The following ZFAND3 variants were observed in gnomAD, a reference collection of about 807,000 sequenced individuals.
The protein encoded by ZFAND3 is zinc finger AN1-type containing 3.
A neutral mutation model predicts 29.6 loss-of-function variants in ZFAND3; 10 were observed. That is an observed-to-expected ratio of 0.34 (90% CI 0.21 to 0.57). The LOEUF (loss-of-function observed/expected upper bound fraction) is 0.57, where lower values mean the gene tolerates loss of function less well. Ranked by LOEUF, ZFAND3 falls within the 20% of genes least tolerant of loss-of-function variation. ZFAND3 has a pLI of 0.86. For missense variants in ZFAND3, 230 were observed against 304.5 expected, an observed-to-expected ratio of 0.76 and a Z score of 1.82; for synonymous variants, 128 against 112.6, an observed-to-expected ratio of 1.14 and a Z score of -0.87.
intron 1 of ZFAND3, among the ~76,000 whole-genome samples, chr6:37,909,276 C>CTTTTTTT (rs142698620): frequency 5.0e-5 from 7 of 139,896 alleles, no homozygotes; most frequent in East Asian, 2.1e-4. Flanking sequence ...TTCTTTTTTT[C>CTTTTTTT]TTTTTTTTTT....
At chr6:37,824,195 C>CA (rs1224524544) in intron 1 of ZFAND3, among the ~76,000 whole-genome samples, 2 of 151,962 alleles carry the variant, frequency 1.3e-5, no homozygotes, top group Admixed American at 6.5e-5. Flanking sequence ...AGTACTCAGG[C>CA]AAAAAACGTA....
At chr6:37,950,007 G>A (rs537081573) in intron 2 of ZFAND3, among the ~76,000 whole-genome samples, 33 of 152,310 alleles carry the variant, frequency 2.2e-4, no homozygotes, top group African/African-American at 6.7e-4. Context: ...CATGAGACAG[G>A]AACTGTGGAT....
chr6:37,895,517 CT>C (rs70977701), intron 1 of ZFAND3, among the ~76,000 whole-genome samples: 669 of 52,676 alleles, frequency 0.013, 6 homozygotes, highest in African/African-American at 0.024. Context: ...TTTGAATTTT[CT>C]TTTTTTTTTT....
chr6:37,952,754 G>A lies in ZFAND3; in HGVS notation c.112+22755G>A, dbSNP rs962089805. On this transcript the variant is annotated intron_variant, in intron 2 of 5. Coordinates refer to ENST00000287218, the MANE Select transcript of ZFAND3 (RefSeq NM_021943.3). ...ACTCACCCCTTCCCCAGGAACGACT[G>A]TGGGTCAGGAACAAGTCCTGGTGCT... Among the ~76,000 whole-genome samples the A allele has an allele frequency of 3.9e-5, 6 of 151,932 alleles. 1 individual carries two copies. Among genetic ancestry groups the A allele is most frequent in the Non-Finnish European group, 7.4e-5 (5 of 68,006 alleles).
chr6:38,024,813 T>C (rs1763417372), intron 2 of ZFAND3, among the ~76,000 whole-genome samples: 1 of 152,100 alleles, frequency 6.6e-6, no homozygotes, highest in African/African-American at 2.4e-5. Flanking sequence ...GGAGAGGGAA[T>C]GGGGAGCAAT....
At chr6:37,964,878 G>A (rs1050067873) in intron 2 of ZFAND3, among the ~76,000 whole-genome samples, 1 of 152,150 alleles carries the variant, frequency 6.6e-6, no homozygotes, top group African/African-American at 2.4e-5. Flanking sequence ...TTCTCATCTG[G>A]GGAATGAGGG....
chr6:37,933,721 C>G (rs941157002), intron 2 of ZFAND3, among the ~76,000 whole-genome samples: 1 of 152,108 alleles, frequency 6.6e-6, no homozygotes, highest in Non-Finnish European at 1.5e-5. Context: ...ACTCGAAGCT[C>G]AACCAAAATT....
At chr6:37,929,641 G>A (rs1436229889) in intron 1 of ZFAND3, among the ~76,000 whole-genome samples, 1 of 152,014 alleles carries the variant, frequency 6.6e-6, no homozygotes, top group African/African-American at 2.4e-5. Flanking sequence ...CATCTTCTGG[G>A]CATTTTATAA....
At chr6:38,144,519 G>C (rs968024851) in intron 5 of ZFAND3, among the ~76,000 whole-genome samples, 8 of 152,142 alleles carry the variant, frequency 5.3e-5, no homozygotes, top group African/African-American at 1.9e-4. Flanking sequence ...CACAGGCTAG[G>C]GGGTGGTGAG....
intron 1 of ZFAND3, among the ~76,000 whole-genome samples, chr6:37,823,470 C>T (rs1159157713): frequency 6.6e-6 from 1 of 152,174 alleles, no homozygotes; most frequent in Non-Finnish European, 1.5e-5. Flanking sequence ...ACTTAGGCTG[C>T]AGGACTTGCT....
At chr6:37,989,377 A>C (rs766271086) in intron 2 of ZFAND3, among the ~76,000 whole-genome samples, 1 of 152,174 alleles carries the variant, frequency 6.6e-6, no homozygotes, top group African/African-American at 2.4e-5. Context: ...CATGCTGGCT[A>C]TTGTTGGGTT....
At chr6:37,859,864 T>G (rs558274710) in intron 1 of ZFAND3, among the ~76,000 whole-genome samples, 17,679 of 125,378 alleles carry the variant, frequency 0.14, 1,495 homozygotes, top group African/African-American at 0.31. Flanking sequence ...TGGAGTGGGT[T>G]TTTTTTTTTT....
chr6:37,984,360 C>T (rs1400969593), intron 2 of ZFAND3, among the ~76,000 whole-genome samples: 2 of 152,074 alleles, frequency 1.3e-5, no homozygotes, highest in East Asian at 1.9e-4. Context: ...TAAAACTGTC[C>T]AGGTTTCCCG....
chr6:37,880,715 A>ATTGTAGAAGGG (rs1764876861), intron 1 of ZFAND3, among the ~76,000 whole-genome samples: 1 of 151,940 alleles, frequency 6.6e-6, no homozygotes, highest in Non-Finnish European at 1.5e-5. Flanking sequence ...TATAGTTCTG[A>ATTGTAGAAGGG]ATCACAAATG....
intron 5 of ZFAND3, among the ~76,000 whole-genome samples, chr6:38,121,766 G>A (rs1765539037): frequency 6.6e-6 from 1 of 152,106 alleles, no homozygotes; most frequent in South Asian, 2.1e-4. Context: ...CCTCATTGTT[G>A]ATGTTAATTT....
chr6:37,878,534 A>G (rs1324151907), intron 1 of ZFAND3, among the ~76,000 whole-genome samples: 10 of 152,148 alleles, frequency 6.6e-5, no homozygotes, highest in African/African-American at 2.4e-4. Flanking sequence ...CCCGCTTGGC[A>G]TAGCCCTGCC....
chr6:37,926,103 T>A (rs922413965), intron 1 of ZFAND3, among the ~76,000 whole-genome samples: 1 of 151,814 alleles, frequency 6.6e-6, no homozygotes, highest in Non-Finnish European at 1.5e-5. Context: ...TGGAAGAGGG[T>A]TGTTTGATCT....
intron 1 of ZFAND3, among the ~76,000 whole-genome samples, chr6:37,845,405 T>A (rs1168742406): frequency 6.6e-6 from 1 of 152,220 alleles, no homozygotes; most frequent in African/African-American, 2.4e-5. Context: ...TAAACCTGTT[T>A]CGTTGTCTTT....
intron 2 of ZFAND3, among the ~76,000 whole-genome samples, chr6:38,026,052 G>T (rs938837451): frequency 1.3e-4 from 20 of 152,138 alleles, no homozygotes; most frequent in Non-Finnish European, 2.1e-4. Flanking sequence ...TATGTAAATT[G>T]TATCTCAATA....
Sources: gnomAD v4.1 joint callset for allele counts (sites outside exome capture counted in the v4.1 genomes callset) on GRCh38, gnomAD v4.1.1 for gene constraint, MANE v1.5 for transcripts, NCBI Gene and HGNC (gene_info 2026-07-23, HGNC 2026-07-21) for gene names.